Variants in CNTN5 observed in about 807,000 individuals in gnomAD.
The protein encoded by CNTN5 is contactin-5.
In CNTN5, 77 loss-of-function variants were observed where a neutral mutation model predicts 129.1. The observed-to-expected ratio is 0.60, with a 90% confidence interval of 0.50 to 0.72. CNTN5 has a LOEUF of 0.72. CNTN5 is among the 30% of genes least tolerant of loss of function. CNTN5 has a pLI of 0.00. For synonymous variants in CNTN5, 509 were observed against 465.6 expected (o/e 1.09, Z -1.20); for missense variants, 1,478 against 1,328.8 (o/e 1.11, Z -1.75).
At chr11:99,736,485 C>T (rs1022801020) in intron 3 of CNTN5, among the ~76,000 whole-genome samples, 2 of 152,082 alleles carry the variant, frequency 1.3e-5, no homozygotes, top group African/African-American at 2.4e-5. Context: ...CCAGTCAAGG[C>T]CTCAAAATGG....
chr11:100,281,858 T>C (rs569205601), intron 18 of CNTN5, among the ~76,000 whole-genome samples: 2 of 152,158 alleles, frequency 1.3e-5, no homozygotes, highest in African/African-American at 2.4e-5. Context: ...AGATCAATTC[T>C]ACTATTAAAA....
chr11:99,657,343 T>C, intron 3 of CNTN5, among the ~76,000 whole-genome samples: 1 of 152,088 alleles, frequency 6.6e-6, no homozygotes, highest in South Asian at 2.1e-4. Flanking sequence ...GCATCTATTT[T>C]GGGAATTTGG....
At chr11:99,485,592 G>A (rs1053039234) in intron 2 of CNTN5, among the ~76,000 whole-genome samples, 1 of 151,734 alleles carries the variant, frequency 6.6e-6, no homozygotes, top group African/African-American at 2.4e-5. Flanking sequence ...ACCTAAAAAT[G>A]CTCTAAAGTT....
intron 15 of CNTN5, among the ~76,000 whole-genome samples, chr11:100,218,401 T>G (rs1949188739): frequency 1.3e-5 from 2 of 152,164 alleles, no homozygotes; most frequent in African/African-American, 4.8e-5. Flanking sequence ...GCATACCAGC[T>G]CCTCGATATT....
intron 1 of CNTN5, among the ~76,000 whole-genome samples, chr11:99,173,717 A>T (rs1443139828): frequency 6.6e-6 from 1 of 152,196 alleles, no homozygotes; most frequent in African/African-American, 2.4e-5. Context: ...GTCATAAGTG[A>T]CTGTTTTAGA....
rs201216701 is a variant in CNTN5 at position 100,074,142 on chromosome 11, A to T, written c.1430-2A>T. 4 of 1,605,456 alleles carry T rather than the reference A, an allele frequency of 2.5e-6. No homozygotes were observed. Among genetic ancestry groups the T allele is most frequent in the Non-Finnish European group, 3.4e-6 (4 of 1,177,408 alleles). On this transcript the variant is annotated splice_acceptor_variant, in intron 12 of 24. Coordinates refer to ENST00000524871, the MANE Select transcript of CNTN5 (RefSeq NM_014361.4). LOFTEE classifies it high-confidence loss of function. ...AGAAACTAACATTTGCTTTTTTAAT[A>T]GCTTCAGCTCCCACTTTTGCACTGA...
chr11:100,046,431 G>T (rs535903691), intron 9 of CNTN5, among the ~76,000 whole-genome samples: 1 of 152,002 alleles, frequency 6.6e-6, no homozygotes, highest in African/African-American at 2.4e-5. Context: ...AGACAATTAT[G>T]TTATGATGCA....
At chr11:99,957,859 G>A (rs567065011) in intron 8 of CNTN5, among the ~76,000 whole-genome samples, 47 of 132,474 alleles carry the variant, frequency 3.5e-4, no homozygotes, top group Middle Eastern at 4.1e-3. Context: ...TGTTGTTTGC[G>A]TGTGTGTGTG....
At chr11:100,281,426 G>A (rs926785447) in intron 18 of CNTN5, among the ~76,000 whole-genome samples, 5 of 152,188 alleles carry the variant, frequency 3.3e-5, no homozygotes, top group African/African-American at 1.2e-4. Context: ...CTCCTGGCCT[G>A]TAAAGTTTCC....
chr11:99,073,385 T>G (rs1259958358), intron 1 of CNTN5, among the ~76,000 whole-genome samples: 2 of 148,734 alleles, frequency 1.3e-5, no homozygotes, highest in Admixed American at 6.7e-5. Flanking sequence ...TTTTTTTTTT[T>G]TTTTTTTTTT....
chr11:99,063,469 G>T (rs1864968584), intron 1 of CNTN5, among the ~76,000 whole-genome samples: 1 of 150,768 alleles, frequency 6.6e-6, no homozygotes, highest in Non-Finnish European at 1.5e-5. Flanking sequence ...TGTGTAAATT[G>T]GAAGAATACA....
At chr11:99,569,170 A>T (rs1949098850) in intron 3 of CNTN5, among the ~76,000 whole-genome samples, 1 of 152,188 alleles carries the variant, frequency 6.6e-6, no homozygotes, top group African/African-American at 2.4e-5. Context: ...ACATGTTTAT[A>T]CAAAAGTACA....
At chr11:99,174,005 T>TAA in intron 1 of CNTN5, among the ~76,000 whole-genome samples, 1 of 151,514 alleles carries the variant, frequency 6.6e-6, no homozygotes, top group African/African-American at 2.4e-5. Context: ...ATGCCTTTTG[T>TAA]GTGTGTGTGT....
chr11:99,928,283 A>C (rs543979579), intron 7 of CNTN5, among the ~76,000 whole-genome samples: 130 of 152,240 alleles, frequency 8.5e-4, no homozygotes, highest in African/African-American at 2.9e-3. Flanking sequence ...TGGACCTACT[A>C]TTCTGGGGTC....
chr11:100,030,199 A>T (rs963633355), intron 9 of CNTN5, among the ~76,000 whole-genome samples: 5 of 124,830 alleles, frequency 4.0e-5, no homozygotes, highest in Non-Finnish European at 8.1e-5. Context: ...ATATAGAAAG[A>T]CCCCATCTCT....
chr11:100,001,515 C>A (rs1236286069), intron 8 of CNTN5, among the ~76,000 whole-genome samples: 1 of 152,180 alleles, frequency 6.6e-6, no homozygotes, highest in African/African-American at 2.4e-5. Flanking sequence ...TGATAGATAG[C>A]TTTTCTCCCA....
intron 13 of CNTN5, among the ~76,000 whole-genome samples, chr11:100,081,813 G>A (rs886867094): frequency 5.9e-5 from 9 of 152,158 alleles, no homozygotes; most frequent in African/African-American, 2.2e-4. Context: ...TCTCACCTCA[G>A]TCCAGTTGAG....
chr11:99,558,113 T>C (rs890973295), intron 3 of CNTN5: 1 of 178,192 alleles, frequency 5.6e-6, no homozygotes, highest in Non-Finnish European at 1.2e-5. Context: ...CATTAAGAGT[T>C]AAGTGAAAAC....
chr11:99,792,573 G>GTCTGTC (rs1555113490), intron 3 of CNTN5, among the ~76,000 whole-genome samples: 12,957 of 116,646 alleles, frequency 0.11, 1,071 homozygotes, highest in East Asian at 0.37. Context: ...GTGTGTGTGT[G>GTCTGTC]TGTCTGTCTG....
Sources: allele counts gnomAD v4.1 joint callset (sites outside exome capture counted in the v4.1 genomes callset), GRCh38; gene constraint gnomAD v4.1.1; transcripts MANE v1.5; gene names NCBI Gene and HGNC (gene_info 2026-07-23, HGNC 2026-07-21).